The following ME1 variants were observed in gnomAD, a reference collection of about 807,000 sequenced individuals.
The protein encoded by ME1 is NADP-dependent malic enzyme.
Under a neutral mutation model 66.4 loss-of-function variants are expected in ME1, and 74 were observed. The observed-to-expected ratio is 1.11, with a 90% CI of 0.92 to 1.35. The LOEUF (loss-of-function observed/expected upper bound fraction) is 1.35, where lower values mean the gene tolerates loss of function less well. Among genes scored for constraint, ME1 ranks in the 40% most tolerant of loss-of-function variants. The pLI is 0.00. For missense variants in ME1, 750 were observed against 694.1 expected, an observed-to-expected ratio of 1.08 and a Z score of -0.90; for synonymous variants, 251 against 235.6, an observed-to-expected ratio of 1.07 and a Z score of -0.60.
chr6:83,369,251 T>C (rs918303483), intron 3 of ME1, among the ~76,000 whole-genome samples: 9 of 152,080 alleles, frequency 5.9e-5, no homozygotes, highest in East Asian at 1.9e-4. Context: ...GGACATTTCA[T>C]TGGAAATTTC....
intron 3 of ME1, among the ~76,000 whole-genome samples, chr6:83,363,104 A>C (rs1012899071): frequency 4.6e-5 from 7 of 152,206 alleles, no homozygotes; most frequent in African/African-American, 1.7e-4. Context: ...AGGATTAACC[A>C]GTCCAGGAAT....
chr6:83,400,087 C>A lies in ME1; in HGVS notation c.213-1571G>T, dbSNP rs577552369. Among the ~76,000 whole-genome samples, 3 of 152,256 alleles carry A rather than the reference C, an allele frequency of 2.0e-5. No homozygotes were observed. In the South Asian group the frequency reaches 6.2e-4, roughly 32 times the overall value. ...CATATTCTCATGGTTTTCCTCCTAT[C>A]TCTCTGGTCATTCCTTTTCTGTTTC... On this transcript the variant is annotated intron_variant, in intron 2 of 13. Transcript: ENST00000369705.
chr6:83,216,489 TG>T lies in ME1; in HGVS notation c.1548+8del. The T allele has an allele frequency of 6.4e-7, 1 of 1,551,496 alleles. No individual in the cohort carries two copies. Among genetic ancestry groups the T allele is most frequent in the Non-Finnish European group, 8.8e-7 (1 of 1,134,622 alleles). ...AAAAATAATGAAGCTTGAACAAGAG[TG>T]GTTTTACCTTTTCTGCAATTTTCAG... On this transcript the variant is annotated splice_region_variant and intron_variant, in intron 13 of 13. Coordinates refer to ENST00000369705, the MANE Select transcript of ME1 (RefSeq NM_002395.6).
intron 13 of ME1, 98 bp from the exon 14 acceptor site, chr6:83,212,192 CTA>C (rs1562447664): frequency 3.9e-6 from 3 of 761,652 alleles, no homozygotes; most frequent in Non-Finnish European, 5.9e-6. Context: ...ACACTGTATC[CTA>C]TGTTTGCAAA....
At chr6:83,226,775 G>A (rs1261505989) in intron 11 of ME1, among the ~76,000 whole-genome samples, 2 of 150,086 alleles carry the variant, frequency 1.3e-5, no homozygotes, top group African/African-American at 2.5e-5. Flanking sequence ...GTCTTTGAAG[G>A]GAAAAAAGGC....
At chr6:83,390,023 C>T (rs965791410) in intron 3 of ME1, among the ~76,000 whole-genome samples, 2 of 151,960 alleles carry the variant, frequency 1.3e-5, no homozygotes, top group African/African-American at 4.8e-5. Flanking sequence ...AAAAGAAATT[C>T]CACACAAAAC....
At chr6:83,388,604 A>G (rs16884636) in intron 3 of ME1, among the ~76,000 whole-genome samples, 4,024 of 152,306 alleles carry the variant, frequency 0.026, 187 homozygotes, top group African/African-American at 0.089. Flanking sequence ...ATAGGTTATT[A>G]TTCTAAGAAA....
At chr6:83,319,773 T>A (rs568084210) in intron 5 of ME1, among the ~76,000 whole-genome samples, 1 of 152,198 alleles carries the variant, frequency 6.6e-6, no homozygotes, top group Non-Finnish European at 1.5e-5. Context: ...CTCTTCCCCA[T>A]GTAGGTGGCC....
intron 3 of ME1, among the ~76,000 whole-genome samples, chr6:83,364,737 C>CT (rs545913660): frequency 2.0e-4 from 30 of 151,912 alleles, no homozygotes; most frequent in African/African-American, 7.3e-4. Flanking sequence ...ATCTATCTGT[C>CT]ATCTATCTAT....
rs1768921889 is a variant in ME1, at chr6:83,357,902, C to CTCTCTCTCTCTCT, written c.363-5764_363-5763insAGAGAGAGAGAGA. ...TGTTAGTTAATACTTAATAAACTCCCCTCTCTCTCTCTCTCTCTCTCTCTC... is the reference window on the plus strand; with the variant it reads ...TGTTAGTTAATACTTAATAAACTCCCTCTCTCTCTCTCTCTCTCTCTCTCTCTCTCTCTCTCTC... On this transcript the variant is annotated intron_variant, in intron 3 of 13. Coordinates refer to ENST00000369705, the MANE Select transcript of ME1 (RefSeq NM_002395.6). 7.0e-4 allele frequency among the ~76,000 whole-genome samples: 22 copies of CTCTCTCTCTCTCT among 31,550 alleles called. 1 individual carries two copies. The highest frequency in any genetic ancestry group is 1.1e-3 in the Admixed American group (2 of 1,852). The allele number at this position is 31,550 out of a possible 152,430, so 20.7% of individuals were successfully genotyped here.
chr6:83,430,797 C>T (rs1770470770), intron 1 of ME1, 80 bp downstream of exon 1: 18 of 1,264,244 alleles, frequency 1.4e-5, no homozygotes, highest in Non-Finnish European at 1.8e-5. Context: ...GGGGCGAGGC[C>T]ATGGTGCGGG....
Position 83,223,908 on chromosome 6 carries a change from C to T in ME1, c.1301G>A (p.Ser434Asn). ...TGGAAGAGTGACTGGATCAAAAGGACTGCCACTGGCAAAAATTGCACGTCC... is the reference window on the plus strand; with the variant it reads ...TGGAAGAGTGACTGGATCAAAAGGATTGCCACTGGCAAAAATTGCACGTCC... ...TKGRAIFASG[S>N]PFDPVTLPNG... Residue 434 changes from serine to asparagine, a missense_variant, in exon 12 of 14, where the codon AGT becomes AAT. Transcript: ENST00000369705. The T allele has an allele frequency of 6.2e-7, 1 of 1,613,910 alleles. No homozygotes were observed. Among genetic ancestry groups the T allele is most frequent in the Non-Finnish European group, 8.5e-7 (1 of 1,179,900 alleles).
intron 9 of ME1, among the ~76,000 whole-genome samples, chr6:83,233,308 A>G (rs1225789325): frequency 6.6e-6 from 1 of 152,118 alleles, no homozygotes; most frequent in Non-Finnish European, 1.5e-5. Flanking sequence ...ATTAATATAT[A>G]AATTATTTTC....
intron 12 of ME1, among the ~76,000 whole-genome samples, chr6:83,221,447 A>G (rs940168720): frequency 2.0e-5 from 3 of 152,194 alleles, no homozygotes; most frequent in Non-Finnish European, 4.4e-5. Flanking sequence ...ACAGGCATAC[A>G]TATGCATGGT....
At chr6:83,324,749 C>T (rs765653625) in intron 5 of ME1, among the ~76,000 whole-genome samples, 4 of 136,868 alleles carry the variant, frequency 2.9e-5, no homozygotes, top group African/African-American at 8.4e-5. Flanking sequence ...AAGCCCAGGA[C>T]GAGATGGATT....
rs111732532 is a variant in ME1, at chr6:83,316,211, T to G, written c.601-798A>C. ...ACTTTAAAATAAATTTTTTAGCCTT[T>G]ACTAGTGTTTTCTTAAATTTTTTAA... On this transcript the variant is annotated intron_variant, in intron 5 of 13. Transcript: ENST00000369705. 5.3e-3 allele frequency among the ~76,000 whole-genome samples: 803 copies of G among 152,328 alleles called. 11 individuals are homozygous for G. Among genetic ancestry groups the G allele is most frequent in the African/African-American group, 0.018 (750 of 41,580 alleles).
chr6:83,283,227 C>CAAAAAAAAAAGAA (rs1767336700), intron 6 of ME1, among the ~76,000 whole-genome samples: 1 of 28,900 alleles, frequency 3.5e-5, no homozygotes, highest in African/African-American at 1.4e-4. Flanking sequence ...GACTCCGTCT[C>CAAAAAAAAAAGAA]AAAAAAAAAA....
chr6:83,334,182 T>A (rs1352005010), intron 5 of ME1, among the ~76,000 whole-genome samples: 1 of 151,322 alleles, frequency 6.6e-6, no homozygotes, highest in Non-Finnish European at 1.5e-5. Context: ...GAGTTCCTTT[T>A]CCGAGTCAAA....
chr6:83,231,353 C>T (rs1223976178), intron 9 of ME1, among the ~76,000 whole-genome samples: 1 of 152,086 alleles, frequency 6.6e-6, no homozygotes, highest in Non-Finnish European at 1.5e-5. Context: ...CTTTCAAAGG[C>T]TTGATTCCTG....
Sources: gnomAD v4.1 joint callset for allele counts (sites outside exome capture counted in the v4.1 genomes callset) on GRCh38, gnomAD v4.1.1 for gene constraint, MANE v1.5 for transcripts, NCBI Gene and HGNC (gene_info 2026-07-23, HGNC 2026-07-21) for gene names.